Variants in STXBP5 observed in about 807,000 individuals in gnomAD.
The protein encoded by STXBP5 is syntaxin-binding protein 5.
In STXBP5, 50 loss-of-function variants were observed where a neutral mutation model predicts 152.4. The ratio of observed to expected loss-of-function variants is 0.33; its 90% confidence interval spans 0.26 to 0.42. The LOEUF is 0.42. Ranked by LOEUF, STXBP5 falls within the 10% of genes least tolerant of loss-of-function variation. The pLI, the probability that STXBP5 is intolerant of heterozygous loss-of-function variation, is 1.00. For synonymous variants in STXBP5, 492 were observed against 494.7 expected (o/e 0.99, Z 0.07); for missense variants, 1,167 against 1,388.6 (o/e 0.84, Z 2.54).
At chr6:147,213,475 T>TGTGTGTGTGC (rs1554282752) in intron 2 of STXBP5, among the ~76,000 whole-genome samples, 2 of 132,176 alleles carry the variant, frequency 1.5e-5, no homozygotes, top group Non-Finnish European at 3.2e-5. Context: ...TGTGTGTGTG[T>TGTGTGTGTGC]GTGCGCGCGC....
rs1311826293 is a variant in STXBP5 at position 147,384,843 on chromosome 6, G to A, written c.*88G>A. 10 of 1,325,508 alleles carry A rather than the reference G, an allele frequency of 7.5e-6. No individual in the cohort carries two copies. The highest frequency in any genetic ancestry group is 2.9e-5 in the African/African-American group (2 of 67,814). 82.1% of individuals were successfully genotyped at this position (1,325,508 alleles called of 1,614,324 possible). ...TTCTTTAGGAAAGTTAACGTTAAAG[G>A]GATGTTCGTCACTGAATACTGTTCT... On this transcript the variant is annotated 3_prime_UTR_variant, in exon 28 of 28. Coordinates refer to ENST00000321680, the MANE Select transcript of STXBP5 (RefSeq NM_001127715.4).
chr6:147,337,600 A>C (rs1178184559), intron 19 of STXBP5, among the ~76,000 whole-genome samples: 1 of 151,932 alleles, frequency 6.6e-6, no homozygotes, highest in Non-Finnish European at 1.5e-5. Flanking sequence ...TTATCCTGCT[A>C]TTTCTTTGAT....
At chr6:147,265,317 C>A (rs1779839247) in intron 6 of STXBP5, among the ~76,000 whole-genome samples, 2 of 152,016 alleles carry the variant, frequency 1.3e-5, no homozygotes, top group Non-Finnish European at 2.9e-5. Context: ...CTAAATTTGT[C>A]CTATTAAAAT....
intron 22 of STXBP5, 100 bp from the exon 23 acceptor site, chr6:147,358,984 T>C: frequency 7.3e-7 from 1 of 1,365,314 alleles, no homozygotes; most frequent in South Asian, 1.4e-5. Context: ...AGGTTTTGTC[T>C]TCTTGCAGAT....
intron 27 of STXBP5, among the ~76,000 whole-genome samples, chr6:147,383,595 C>T (rs138763598): frequency 8.2e-4 from 125 of 152,112 alleles, no homozygotes; most frequent in African/African-American, 2.3e-3. Flanking sequence ...AAAGCCTTTA[C>T]GGGAAATAAC....
At chr6:147,364,741 C>T (rs1251007401) in intron 25 of STXBP5, among the ~76,000 whole-genome samples, 1 of 152,082 alleles carries the variant, frequency 6.6e-6, no homozygotes, top group South Asian at 2.1e-4. Context: ...TTTAGCTTTA[C>T]CTTCCAAAGT....
chr6:147,221,188 A>G (rs1777440918), intron 2 of STXBP5, among the ~76,000 whole-genome samples: 1 of 152,098 alleles, frequency 6.6e-6, no homozygotes. Context: ...AGAAATTGTA[A>G]TTCTTTACTC....
intron 18 of STXBP5, among the ~76,000 whole-genome samples, chr6:147,327,794 G>A (rs188066115): frequency 2.1e-4 from 32 of 152,108 alleles, no homozygotes; most frequent in South Asian, 8.3e-4. Flanking sequence ...AAAGAACCAC[G>A]GGATCAAACT....
intron 19 of STXBP5, among the ~76,000 whole-genome samples, chr6:147,338,348 G>A (rs1783932503): frequency 6.6e-6 from 1 of 152,002 alleles, no homozygotes; most frequent in South Asian, 2.1e-4. Flanking sequence ...GAACTCAAAG[G>A]AGAAGTGATT....
chr6:147,324,544 A>G (rs558873074), intron 16 of STXBP5, among the ~76,000 whole-genome samples: 1 of 152,176 alleles, frequency 6.6e-6, no homozygotes, highest in East Asian at 1.9e-4. Flanking sequence ...TGCTGGGATT[A>G]CAGGCGTGAG....
At position 147,385,692 on chromosome 6, in the gene STXBP5, A is replaced by G. The variant is rs1786305975; in HGVS notation, c.*937A>G. 1 of 152,120 alleles carries G rather than the reference A, an allele frequency of 6.6e-6. No homozygotes were observed. Among genetic ancestry groups the G allele is most frequent in the African/African-American group, 2.4e-5 (1 of 41,450 alleles). 9.4% of individuals were successfully genotyped at this position (152,120 alleles called of 1,614,324 possible). A position where few individuals can be genotyped will look rare whatever the true frequency, so the allele number is the denominator to read the frequency against. ...TTGCTTGAATTTTTATAAAATGTTT[A>G]ACCAAATGTACCTTTGCATTCTTTA... is the stretch of plus-strand genomic sequence containing the variant. On this transcript the variant is annotated 3_prime_UTR_variant, in exon 28 of 28. Coordinates refer to ENST00000321680, the MANE Select transcript of STXBP5 (RefSeq NM_001127715.4).
chr6:147,224,652 T>C (rs1355852002), intron 2 of STXBP5, among the ~76,000 whole-genome samples: 1 of 152,222 alleles, frequency 6.6e-6, no homozygotes, highest in African/African-American at 2.4e-5. Flanking sequence ...TATTTTTTTA[T>C]CATTAGTAGG....
chr6:147,313,598 C>T (rs1339087267), intron 11 of STXBP5, among the ~76,000 whole-genome samples: 3 of 152,020 alleles, frequency 2.0e-5, no homozygotes, highest in African/African-American at 7.2e-5. Flanking sequence ...CAGTAAAATG[C>T]CTATGTCGTA....
intron 8 of STXBP5, among the ~76,000 whole-genome samples, chr6:147,280,065 G>T (rs1780629358): frequency 9.3e-6 from 1 of 107,874 alleles, no homozygotes. Flanking sequence ...ATATTCCATG[G>T]TCTTTTTTTT....
intron 2 of STXBP5, among the ~76,000 whole-genome samples, chr6:147,226,030 G>A (rs1777692194): frequency 6.6e-6 from 1 of 152,106 alleles, no homozygotes; most frequent in Non-Finnish European, 1.5e-5. Context: ...AGATATGACT[G>A]GAGCGGACAT....
intron 25 of STXBP5, among the ~76,000 whole-genome samples, chr6:147,371,019 G>A (rs2128417763): frequency 6.6e-6 from 1 of 152,046 alleles, no homozygotes; most frequent in East Asian, 1.9e-4. Context: ...TAGCTTACAT[G>A]CAAGACAAAT....
Position 147,262,292 on chromosome 6 carries a change from C to T in STXBP5, c.569C>T (p.Ser190Leu). The stretch of plus-strand genomic sequence containing the variant: ...CTTACTAACTTTTTCTTTTTTAGGT[C>T]ATCTAAATCTCACCCAGGACCTGTG... ...VIMWNKAIEL[S>L]SKSHPGPVVH... The change falls in exon 6 of 28, where the codon TCA (serine) becomes TTA (leucine). Residue 190 changes from serine to leucine, a missense_variant and splice_region_variant. By Grantham distance (145) the Ser-to-Leu change is moderately radical. Transcript: ENST00000321680. The T allele has an allele frequency of 6.5e-7, 1 of 1,543,844 alleles. No homozygotes were observed.
chr6:147,309,051 C>A (rs1055381380), intron 9 of STXBP5, among the ~76,000 whole-genome samples: 1 of 152,056 alleles, frequency 6.6e-6, no homozygotes, highest in South Asian at 2.1e-4. Flanking sequence ...TGCCAAAGAT[C>A]ATACAGAAAT....
At chr6:147,272,320 G>A (rs1432468627) in intron 7 of STXBP5, among the ~76,000 whole-genome samples, 2 of 152,132 alleles carry the variant, frequency 1.3e-5, no homozygotes, top group African/African-American at 2.4e-5. Context: ...AGTATCCTTG[G>A]TGAACACAGA....
Sources: allele counts gnomAD v4.1 joint callset (sites outside exome capture counted in the v4.1 genomes callset), GRCh38; gene constraint gnomAD v4.1.1; transcripts MANE v1.5; gene names NCBI Gene and HGNC (gene_info 2026-07-23, HGNC 2026-07-21).